TSC22D3: variants seen among roughly 807,000 people sequenced by gnomAD.
TSC22D3 encodes the protein TSC22 domain family protein 3.
In TSC22D3, 4 loss-of-function variants were observed where a neutral mutation model predicts 11.1. That is an observed-to-expected ratio of 0.36 (90% CI 0.18 to 0.83). The LOEUF is 0.83. TSC22D3 is among the 40% of genes least tolerant of loss of function. The probability of loss-of-function intolerance (pLI) is 0.48; values close to 1 mark genes in which losing one functional copy is unlikely to be tolerated. For synonymous variants in TSC22D3, 77 were observed against 70.3 expected, an observed-to-expected ratio of 1.10 and a Z score of -0.48; for missense variants, 118 against 159.4, an observed-to-expected ratio of 0.74 and a Z score of 1.40.
intron 2 of TSC22D3, 94 bp from the exon 3 acceptor site, chrX:107,714,843 T>C (rs950028435): frequency 3.5e-6 from 3 of 865,105 alleles, no homozygotes; most frequent in South Asian, 2.2e-5. Flanking sequence ...TGTGCTGTCC[T>C]TAATGCCAGG....
intron 1 of TSC22D3, among the ~76,000 whole-genome samples, chrX:107,761,196 G>A (rs1397366840): frequency 1.8e-5 from 2 of 112,570 alleles, no homozygotes; most frequent in Non-Finnish European, 3.8e-5. Context: ...AAGCGCCTGT[G>A]CTTCATGATC....
intron 1 of TSC22D3, among the ~76,000 whole-genome samples, chrX:107,723,016 T>C (rs987113584): frequency 8.2e-5 from 9 of 110,001 alleles, no homozygotes; most frequent in Admixed American, 6.8e-4. Flanking sequence ...CTTAGTGAAA[T>C]GTTTGCTTCA....
At chrX:107,720,782 A>G (rs1453780843) in intron 1 of TSC22D3, among the ~76,000 whole-genome samples, 1 of 102,150 alleles carries the variant, frequency 9.8e-6, no homozygotes, top group Admixed American at 1.0e-4. Flanking sequence ...GGGTGGGGGA[A>G]GGAGGAGGAA....
At chrX:107,731,591 A>T (rs1173008649) in intron 1 of TSC22D3, among the ~76,000 whole-genome samples, 3 of 111,984 alleles carry the variant, frequency 2.7e-5, no homozygotes, top group Non-Finnish European at 5.6e-5. Context: ...GAGTGAAATG[A>T]ATGAATGGAT....
At chrX:107,729,866 A>C (rs1191618749) in intron 1 of TSC22D3, among the ~76,000 whole-genome samples, 1 of 113,133 alleles carries the variant, frequency 8.8e-6, no homozygotes, top group Non-Finnish European at 1.9e-5. Flanking sequence ...GCTTAAAATA[A>C]GTGGGCGGAA....
At chrX:107,767,696 C>T (rs1929731084) in intron 1 of TSC22D3, among the ~76,000 whole-genome samples, 1 of 112,007 alleles carries the variant, frequency 8.9e-6, no homozygotes, top group Non-Finnish European at 1.9e-5. Context: ...CTTCATCAAA[C>T]CTAGGTTGCC....
At chrX:107,742,904 G>T in intron 1 of TSC22D3, among the ~76,000 whole-genome samples, 1 of 112,217 alleles carries the variant, frequency 8.9e-6, no homozygotes. Flanking sequence ...GGAGCCCCGA[G>T]AGCAGCGCCC....
At chrX:107,725,706 C>A (rs1450609238) in intron 1 of TSC22D3, among the ~76,000 whole-genome samples, 2 of 111,858 alleles carry the variant, frequency 1.8e-5, no homozygotes, top group Non-Finnish European at 3.8e-5. Context: ...ATATTCAAAT[C>A]TTTGGCAATT....
chrX:107,720,797 A>G (rs1346423218), intron 1 of TSC22D3, among the ~76,000 whole-genome samples: 3 of 110,226 alleles, frequency 2.7e-5, no homozygotes, highest in Non-Finnish European at 5.7e-5. Context: ...GAGGAACCCA[A>G]AGAGTTTTCT....
intron 1 of TSC22D3, among the ~76,000 whole-genome samples, chrX:107,725,061 T>C (rs1369128025): frequency 9.0e-6 from 1 of 111,659 alleles, no homozygotes; most frequent in East Asian, 2.8e-4. Context: ...ACCACTACTG[T>C]GGTCCTTACA....
chrX:107,733,375 T>A (rs186530797), intron 1 of TSC22D3, among the ~76,000 whole-genome samples: 1 of 112,184 alleles, frequency 8.9e-6, no homozygotes, highest in Non-Finnish European at 1.9e-5. Flanking sequence ...TGCAATGTGC[T>A]TGAAGTACTC....
At chrX:107,723,504 C>T (rs1033976396) in intron 1 of TSC22D3, among the ~76,000 whole-genome samples, 2 of 112,566 alleles carry the variant, frequency 1.8e-5, no homozygotes, top group African/African-American at 6.5e-5. Context: ...CTCCTACAGA[C>T]CAACAAGCAT....
Position 107,775,402 on chromosome X carries a change from G to A in TSC22D3, c.18C>T (p.Leu6=), listed in dbSNP as rs1930091640. 4.2e-6 allele frequency: 5 copies of A among 1,185,270 alleles called. No individual in the cohort carries two copies. Among genetic ancestry groups the A allele is most frequent in the Non-Finnish European group, 4.5e-6 (4 of 881,833 alleles). MAQSK[L]DCRSPVGLDC... is the part of the protein sequence containing the mutation. ...CGAGGCCGACAGGTGAGCGGCAATC[G>A]AGCTTGGACTGGGCCATCTTCTCAG... Residue 6 remains leucine (L), a synonymous_variant, in exon 1 of 3, where the codon CTC becomes CTT. Transcript: ENST00000372383.
At chrX:107,743,483 C>A (rs779051928) in intron 1 of TSC22D3, among the ~76,000 whole-genome samples, 1 of 111,914 alleles carries the variant, frequency 8.9e-6, no homozygotes, top group East Asian at 2.8e-4. Flanking sequence ...CAGGTCCTAG[C>A]CATGGTTGAA....
intron 1 of TSC22D3, among the ~76,000 whole-genome samples, chrX:107,771,513 A>C (rs1186537312): frequency 2.7e-5 from 3 of 112,264 alleles, no homozygotes; most frequent in Non-Finnish European, 5.6e-5. Context: ...TGAACCCAGG[A>C]GGTGGAGACT....
intron 1 of TSC22D3, among the ~76,000 whole-genome samples, chrX:107,750,215 C>G (rs1257837980): frequency 9.1e-6 from 1 of 110,360 alleles, no homozygotes; most frequent in African/African-American, 3.3e-5. Flanking sequence ...TGGATGTGAG[C>G]AATACTCCTG....
intron 1 of TSC22D3, among the ~76,000 whole-genome samples, chrX:107,720,561 C>T (rs1265488395): frequency 3.6e-5 from 4 of 111,117 alleles, no homozygotes; most frequent in East Asian, 2.8e-4. Context: ...GGCATGGTGG[C>T]GCATGCCTGT....
intron 1 of TSC22D3, among the ~76,000 whole-genome samples, chrX:107,719,851 A>G (rs887741582): frequency 4.5e-5 from 5 of 111,868 alleles, no homozygotes; most frequent in Non-Finnish European, 9.4e-5. Flanking sequence ...GAGAGCTGCA[A>G]TGGGTGACTG....
At chrX:107,754,927 G>A (rs1000344963) in intron 1 of TSC22D3, among the ~76,000 whole-genome samples, 1 of 111,742 alleles carries the variant, frequency 8.9e-6, no homozygotes, top group Admixed American at 9.5e-5. Flanking sequence ...GGAACACCAG[G>A]CCTAAATGGG....
Sources: allele counts gnomAD v4.1 joint callset (sites outside exome capture counted in the v4.1 genomes callset), GRCh38; gene constraint gnomAD v4.1.1; transcripts MANE v1.5; gene names NCBI Gene and HGNC (gene_info 2026-07-23, HGNC 2026-07-21).